The following CLIC5 variants were observed in gnomAD, a reference collection of about 807,000 sequenced individuals.
CLIC5 encodes CLIC family member 5.
Under a neutral mutation model 24.7 loss-of-function variants are expected in CLIC5, and 20 were observed. The ratio of observed to expected loss-of-function variants is 0.81; its 90% CI spans 0.57 to 1.18. The LOEUF is 1.18. CLIC5 is among the 50% of genes most tolerant of loss of function. The probability of loss-of-function intolerance (pLI) is 0.00; values close to 1 mark genes in which losing one functional copy is unlikely to be tolerated. For synonymous variants in CLIC5, 159 were observed against 135.6 expected (o/e 1.17, Z -1.20); for missense variants, 341 against 326.1 (o/e 1.05, Z -0.35).
At chr6:45,904,468 T>C (rs1184027898) in intron 5 of CLIC5, among the ~76,000 whole-genome samples, 5 of 151,670 alleles carry the variant, frequency 3.3e-5, no homozygotes, top group Non-Finnish European at 7.4e-5. Context: ...GTTGATTTAA[T>C]GCTCTGGGGT....
intron 4 of CLIC5, among the ~76,000 whole-genome samples, chr6:45,939,844 G>T (rs901758409): frequency 7.3e-5 from 11 of 151,500 alleles, no homozygotes; most frequent in Non-Finnish European, 1.6e-4. Flanking sequence ...TAAAGACAGG[G>T]TCTTACTATG....
chr6:46,036,373 C>T (rs1396086042), intron 1 of CLIC5, among the ~76,000 whole-genome samples: 11 of 139,594 alleles, frequency 7.9e-5, no homozygotes, highest in Admixed American at 6.1e-4. Flanking sequence ...GCAGTTGGCG[C>T]GGTCTCGGTT....
At chr6:46,079,387 T>G (rs1762860359) in intron 1 of CLIC5, among the ~76,000 whole-genome samples, 1 of 152,256 alleles carries the variant, frequency 6.6e-6, no homozygotes, top group African/African-American at 2.4e-5. Context: ...AAAAATGTAC[T>G]TAATGTCAGC....
At chr6:45,916,549 G>A (rs1258783489) in intron 4 of CLIC5, among the ~76,000 whole-genome samples, 1 of 152,126 alleles carries the variant, frequency 6.6e-6, no homozygotes, top group African/African-American at 2.4e-5. Context: ...TCATCTGAGG[G>A]AAAGAGTCAT....
chr6:46,055,396 C>A (rs933167885), intron 1 of CLIC5, among the ~76,000 whole-genome samples: 21 of 152,140 alleles, frequency 1.4e-4, no homozygotes, highest in Admixed American at 2.6e-4. Context: ...AACCACCAAG[C>A]CCGGCTAATT....
At chr6:45,904,332 C>T (rs943212286) in intron 5 of CLIC5, among the ~76,000 whole-genome samples, 1 of 151,950 alleles carries the variant, frequency 6.6e-6, no homozygotes, top group African/African-American at 2.4e-5. Flanking sequence ...CTAGCTTGTA[C>T]CCATTTGCAT....
At chr6:46,021,716 T>C (rs1767189601) in intron 1 of CLIC5, among the ~76,000 whole-genome samples, 1 of 152,212 alleles carries the variant, frequency 6.6e-6, no homozygotes, top group Non-Finnish European at 1.5e-5. Context: ...TTCATTTACA[T>C]GACATTCTGG....
At position 45,907,079 on chromosome 6, in the gene CLIC5, G is replaced by A. The variant is rs181880056; in HGVS notation, c.589-3824C>T. ...ACTACATTGAATAGGAGTGGTGAGA[G>A]TGGGCATCCTTGTCTTGTTGCAGTT... On this transcript the variant is annotated intron_variant, in intron 5 of 5. Transcript: ENST00000339561. Among the ~76,000 whole-genome samples, 47 of 152,312 alleles carry A rather than the reference G, an allele frequency of 3.1e-4. 1 individual carries two copies. In the East Asian group the frequency reaches 6.0e-3, roughly 19 times the overall value.
intron 2 of CLIC5, 136 bp from the exon 3 acceptor site, chr6:45,949,517 G>C: frequency 4.2e-6 from 4 of 943,148 alleles, no homozygotes; most frequent in Admixed American, 2.5e-5. Flanking sequence ...ATGGTATGCA[G>C]TATAGGGCAG....
At chr6:45,886,377 C>CA (rs1445434660) in intron 6 of CLIC5, among the ~76,000 whole-genome samples, 1 of 152,224 alleles carries the variant, frequency 6.6e-6, no homozygotes, top group Non-Finnish European at 1.5e-5. Context: ...CCACCCTGCA[C>CA]AAGTGCGGCA....
Position 45,901,983 on chromosome 6 carries a change from C to T in CLIC5, c.*1105G>A, listed in dbSNP as rs2127292982. ...GCAGGAGCAGCTGCTGGAGAGCACCCAGCCGACAGACCTGCATTCCAGAAG... is the reference window on the plus strand; with the variant it reads ...GCAGGAGCAGCTGCTGGAGAGCACCTAGCCGACAGACCTGCATTCCAGAAG... On this transcript the variant is annotated 3_prime_UTR_variant, in exon 6 of 6. Coordinates refer to ENST00000339561, the MANE Select transcript of CLIC5 (RefSeq NM_016929.5). 1 of 152,740 alleles carries T rather than the reference C, an allele frequency of 6.5e-6. No individual in the cohort carries two copies. Among genetic ancestry groups the T allele is most frequent in the South Asian group, 2.1e-4 (1 of 4,818 alleles). 9.5% of individuals were successfully genotyped at this position (152,740 alleles called of 1,614,324 possible).
intron 4 of CLIC5, among the ~76,000 whole-genome samples, chr6:45,938,767 G>C (rs1044771383): frequency 6.6e-6 from 1 of 152,176 alleles, no homozygotes. Context: ...AATCTGGAGG[G>C]CTCAAATGAG....
At chr6:45,974,497 G>GTATATATA (rs1554154071) in intron 1 of CLIC5, among the ~76,000 whole-genome samples, 26 of 76,154 alleles carry the variant, frequency 3.4e-4, no homozygotes, top group East Asian at 1.1e-3. Flanking sequence ...GTGTGTGTGT[G>GTATATATA]TATATATATA....
chr6:46,129,465 G>T, the CLIC5 span: 1 of 152,176 alleles, frequency 6.6e-6, no homozygotes, highest in Non-Finnish European at 1.5e-5. Context: ...CCCTGCCGCA[G>T]GCACTGTGCT....
chr6:45,982,848 T>C (rs1358944367), intron 1 of CLIC5, among the ~76,000 whole-genome samples: 1 of 152,202 alleles, frequency 6.6e-6, no homozygotes. Flanking sequence ...TCGCTTTTAG[T>C]ACTGACTGAC....
chr6:46,050,307 T>A (rs2127464815), intron 1 of CLIC5, among the ~76,000 whole-genome samples: 1 of 152,332 alleles, frequency 6.6e-6, no homozygotes, highest in South Asian at 2.1e-4. Flanking sequence ...CCCTGCACTC[T>A]GGTTCTGCTT....
chr6:46,100,533 C>T, the CLIC5 span, among the ~76,000 whole-genome samples: 1 of 152,110 alleles, frequency 6.6e-6, no homozygotes, highest in African/African-American at 2.4e-5. Context: ...CCCTCCCAGC[C>T]GAAATGCCAC....
chr6:45,935,025 A>G (rs186833153), intron 4 of CLIC5, among the ~76,000 whole-genome samples: 1 of 152,252 alleles, frequency 6.6e-6, no homozygotes, highest in Admixed American at 6.5e-5. Context: ...TGGAAAATAA[A>G]GTGAAATATA....
chr6:46,042,317 T>G (rs1356154286), intron 1 of CLIC5, among the ~76,000 whole-genome samples: 1 of 152,228 alleles, frequency 6.6e-6, no homozygotes, highest in South Asian at 2.1e-4. Context: ...GAAAATGGCT[T>G]ATGAAGTTGA....
Sources: allele counts gnomAD v4.1 joint callset (sites outside exome capture counted in the v4.1 genomes callset), GRCh38; gene constraint gnomAD v4.1.1; transcripts MANE v1.5; gene names NCBI Gene and HGNC (gene_info 2026-07-23, HGNC 2026-07-21).